Variants in TEX2 observed in about 807,000 individuals in gnomAD.
TEX2 encodes the protein testis-expressed protein 2.
A neutral mutation model predicts 106.9 loss-of-function variants in TEX2; 53 were observed. That is an observed-to-expected ratio of 0.50 (90% confidence interval 0.40 to 0.62). TEX2 has a LOEUF of 0.62. Among genes scored for constraint, TEX2 ranks in the 20% least tolerant of loss-of-function variants. TEX2 has a pLI of 0.00. For synonymous variants in TEX2, 523 were observed against 534.8 expected, an observed-to-expected ratio of 0.98 and a Z score of 0.30; for missense variants, 1,207 against 1,379.0, an observed-to-expected ratio of 0.88 and a Z score of 1.98.
At chr17:64,260,471 A>AG (rs1311470638) in intron 1 of TEX2, among the ~76,000 whole-genome samples, 8 of 100 alleles carry the variant, frequency 0.08, no homozygotes, top group Non-Finnish European at 0.023. Context: ...TGCCTGGCCC[A>AG]AAAAGCACGT....
At chr17:64,215,312 G>C (rs2033152682) in intron 1 of TEX2, among the ~76,000 whole-genome samples, 1 of 152,146 alleles carries the variant, frequency 6.6e-6, no homozygotes, top group African/African-American at 2.4e-5. Flanking sequence ...AAGTTCTGAG[G>C]AGGATGACAC....
chr17:64,212,863 T>A lies in TEX2; in HGVS notation c.1355A>T (p.Asp452Val). The stretch of plus-strand genomic sequence containing the variant: ...GTCCTCACTGTCAAGGACCACACCA[T>A]CTTCCGCGAGCACCTCTGGCTTGAG... ...IPLKPEVLAE[D>V]GVVLDSEDEV... Residue 452 changes from aspartate to valine, a missense_variant, in exon 2 of 12, where the codon GAT (aspartate) becomes GTT (valine). Around this residue, in one of 3 missense-constraint regions of TEX2, gnomAD observed 1,067 missense variants for 1,193.6 expected, o/e 0.89. Coordinates refer to ENST00000584379, the MANE Select transcript of TEX2 (RefSeq NM_001288732.2). 6.2e-7 allele frequency: 1 copy of A among 1,614,128 alleles called. No homozygotes were observed. Among genetic ancestry groups the A allele is most frequent in the Non-Finnish European group, 8.5e-7 (1 of 1,180,030 alleles).
At chr17:64,197,338 G>A (rs902846365) in intron 2 of TEX2, among the ~76,000 whole-genome samples, 6 of 151,998 alleles carry the variant, frequency 3.9e-5, no homozygotes, top group Non-Finnish European at 8.8e-5. Context: ...TTCTTCTTGA[G>A]TAAGCTTTGG....
chr17:64,233,601 T>C (rs1555634816), intron 1 of TEX2, among the ~76,000 whole-genome samples: 2 of 151,866 alleles, frequency 1.3e-5, no homozygotes, highest in African/African-American at 2.4e-5. Flanking sequence ...CAAAAACACA[T>C]GCATACCCAG....
intron 6 of TEX2, among the ~76,000 whole-genome samples, chr17:64,174,377 A>G (rs989613094): frequency 6.6e-6 from 1 of 151,684 alleles, no homozygotes; most frequent in Non-Finnish European, 1.5e-5. Flanking sequence ...GTGTCTACCT[A>G]CTAGTAAGCA....
intron 7 of TEX2, among the ~76,000 whole-genome samples, chr17:64,164,167 G>A (rs1444522267): frequency 6.6e-6 from 1 of 152,182 alleles, no homozygotes; most frequent in Non-Finnish European, 1.5e-5. Context: ...GCTGGGCACA[G>A]TGTCTCACGC....
chr17:64,256,803 A>G (rs1051356730), intron 1 of TEX2, among the ~76,000 whole-genome samples: 5 of 152,304 alleles, frequency 3.3e-5, no homozygotes, highest in Middle Eastern at 3.4e-3. Context: ...TGTTCAGTCA[A>G]TCCTTTCAGT....
intron 11 of TEX2, chr17:64,150,210 C>T (rs2030281438): frequency 1.3e-5 from 2 of 152,292 alleles, no homozygotes; most frequent in Admixed American, 1.3e-4. Flanking sequence ...CTTCAAATAT[C>T]TGATAAAAGT....
chr17:64,150,722 G>C, intron 11 of TEX2, 119 bp downstream of exon 11: 1 of 1,100,538 alleles, frequency 9.1e-7, no homozygotes, highest in Non-Finnish European at 1.3e-6. Context: ...ACTCTTCCGG[G>C]ATGAAGGTCA....
At chr17:64,215,265 C>T (rs1382187093) in intron 1 of TEX2, among the ~76,000 whole-genome samples, 1 of 152,212 alleles carries the variant, frequency 6.6e-6, no homozygotes, top group African/African-American at 2.4e-5. Flanking sequence ...TGGACAGAGA[C>T]CATGTAAAAA....
intron 7 of TEX2, among the ~76,000 whole-genome samples, chr17:64,165,521 G>C (rs572562470): frequency 1.3e-5 from 2 of 152,352 alleles, no homozygotes; most frequent in Admixed American, 1.3e-4. Flanking sequence ...CCACGTGCTA[G>C]AGTATGGCCC....
chr17:64,180,147 C>A (rs2031795310), intron 5 of TEX2, among the ~76,000 whole-genome samples: 1 of 152,168 alleles, frequency 6.6e-6, no homozygotes, highest in Non-Finnish European at 1.5e-5. Flanking sequence ...CCACCTGGCC[C>A]CTCAGACAGT....
At chr17:64,165,576 C>T (rs886589293) in intron 7 of TEX2, among the ~76,000 whole-genome samples, 1 of 152,232 alleles carries the variant, frequency 6.6e-6, no homozygotes, top group Non-Finnish European at 1.5e-5. Flanking sequence ...CTGTAGCTGC[C>T]CTCTGATGTC....
At chr17:64,161,742 G>C (rs757154104) in intron 7 of TEX2, among the ~76,000 whole-genome samples, 3 of 151,904 alleles carry the variant, frequency 2.0e-5, no homozygotes, top group Non-Finnish European at 4.4e-5. Context: ...AGGATTCTAT[G>C]ATTTGTCAAG....
intron 10 of TEX2, among the ~76,000 whole-genome samples, chr17:64,151,345 G>C (rs1024657752): frequency 1.3e-4 from 20 of 152,082 alleles, no homozygotes; most frequent in African/African-American, 4.6e-4. Context: ...ATAAAGCAGA[G>C]AGTGAAAGAC....
At chr17:64,167,556 T>C (rs1434187555) in intron 7 of TEX2, among the ~76,000 whole-genome samples, 2 of 152,118 alleles carry the variant, frequency 1.3e-5, no homozygotes, top group Non-Finnish European at 2.9e-5. Context: ...CAGTGGCTCA[T>C]GCATGTAATC....
intron 1 of TEX2, among the ~76,000 whole-genome samples, chr17:64,235,781 C>CATT (rs2033753714): frequency 6.6e-6 from 1 of 152,176 alleles, no homozygotes; most frequent in South Asian, 2.1e-4. Flanking sequence ...AAATGTTCTA[C>CATT]TACAAGTACT....
intron 5 of TEX2, among the ~76,000 whole-genome samples, chr17:64,180,935 G>A (rs2031826780): frequency 6.6e-6 from 1 of 152,144 alleles, no homozygotes; most frequent in African/African-American, 2.4e-5. Context: ...CTTTTTGGCC[G>A]CACCCAGTGT....
In TEX2 at chr17:64,148,859, T is replaced by G; in HGVS notation, c.*110A>C. ...CAGGCAGAGGGCAGAAGCAGTCCTT[T>G]AAGAAACAGTAGCTGTGGCACAGAG... On this transcript the variant is annotated 3_prime_UTR_variant, in exon 12 of 12. Coordinates refer to ENST00000584379, the MANE Select transcript of TEX2 (RefSeq NM_001288732.2). The G allele has an allele frequency of 7.1e-7, 1 of 1,410,232 alleles. No individual in the cohort carries two copies. Among genetic ancestry groups the G allele is most frequent in the South Asian group, 1.3e-5 (1 of 75,154 alleles). The allele number at this position is 1,410,232 out of a possible 1,614,324, so 87.4% of individuals were successfully genotyped here. A position where few individuals can be genotyped will look rare whatever the true frequency, so the allele number is the denominator to read the frequency against.
Sources: allele counts gnomAD v4.1 joint callset (sites outside exome capture counted in the v4.1 genomes callset), GRCh38; gene constraint gnomAD v4.1.1; regional missense constraint gnomAD v4.1.1; transcripts MANE v1.5; gene names NCBI Gene and HGNC (gene_info 2026-07-23, HGNC 2026-07-21).